Variants in DNAH6 observed in about 807,000 individuals in gnomAD.
DNAH6 encodes the protein dynein axonemal heavy chain 6, also known as axonemal beta dynein heavy chain 6.
DNAH6 carries 340 observed loss-of-function variants against 491.4 expected under a neutral mutation model. The observed-to-expected ratio is 0.69, with a 90% CI of 0.63 to 0.76. The LOEUF is 0.76. Among genes scored for constraint, DNAH6 ranks in the 30% least tolerant of loss-of-function variants. The pLI is 0.00. For missense variants in DNAH6, 4,443 were observed against 4,972.2 expected (o/e 0.89, Z 3.20); for synonymous variants, 1,603 against 1,686.1 (o/e 0.95, Z 1.21).
intron 33 of DNAH6, among the ~76,000 whole-genome samples, chr2:84,643,898 G>GTGTTT (rs138750347): frequency 0.022 from 3,310 of 148,602 alleles, 112 homozygotes; most frequent in African/African-American, 0.079. Context: ...TTCAAATTGT[G>GTGTTT]TTTTTTTTTG....
At chr2:84,460,743 C>A in the DNAH6 span, among the ~76,000 whole-genome samples, 1 of 152,164 alleles carries the variant, frequency 6.6e-6, no homozygotes, top group Non-Finnish European at 1.5e-5. Flanking sequence ...GATATTTCAA[C>A]CTCTTGTAAT....
At chr2:84,618,725 T>G (rs1687116204) in intron 23 of DNAH6, among the ~76,000 whole-genome samples, 1 of 152,000 alleles carries the variant, frequency 6.6e-6, no homozygotes, top group African/African-American at 2.4e-5. Flanking sequence ...TCCTTTTGAG[T>G]GATTTGGAGA....
At chr2:84,741,274 T>C (rs1043200267) in intron 62 of DNAH6, among the ~76,000 whole-genome samples, 1 of 152,124 alleles carries the variant, frequency 6.6e-6, no homozygotes, top group Non-Finnish European at 1.5e-5. Context: ...AAATGGTGCC[T>C]TGGGCCTGAA....
intron 3 of DNAH6, among the ~76,000 whole-genome samples, chr2:84,526,209 A>G (rs1676589544): frequency 6.6e-6 from 1 of 152,112 alleles, no homozygotes; most frequent in African/African-American, 2.4e-5. Flanking sequence ...CTTTAAATGA[A>G]TATCTCTAGA....
At chr2:84,773,623 G>C (rs1243725890) in intron 64 of DNAH6, among the ~76,000 whole-genome samples, 1 of 152,010 alleles carries the variant, frequency 6.6e-6, no homozygotes, top group Non-Finnish European at 1.5e-5. Flanking sequence ...TCCATTTTAA[G>C]TTATTTCATA....
chr2:84,598,126 C>CTTTTCTTTCT (rs1558773722), intron 18 of DNAH6, among the ~76,000 whole-genome samples: 2 of 80,542 alleles, frequency 2.5e-5, no homozygotes, highest in African/African-American at 3.8e-5. Flanking sequence ...TTCTATCTTT[C>CTTTTCTTTCT]TTTTCTTTCT....
At chr2:84,554,440 G>A (rs967753222) in intron 10 of DNAH6, among the ~76,000 whole-genome samples, 2 of 152,152 alleles carry the variant, frequency 1.3e-5, no homozygotes, top group South Asian at 2.1e-4. Context: ...AGGTGCATAG[G>A]TTAGTAAACC....
chr2:84,707,887 T>C (rs1396472057), intron 54 of DNAH6, among the ~76,000 whole-genome samples, 171 bp downstream of exon 54: 1 of 152,202 alleles, frequency 6.6e-6, no homozygotes, highest in Admixed American at 6.5e-5. Context: ...AGTGATGGTC[T>C]ACCCCTAGGC....
intron 24 of DNAH6, among the ~76,000 whole-genome samples, chr2:84,620,541 G>A (rs1422301725): frequency 6.6e-6 from 1 of 152,156 alleles, no homozygotes; most frequent in Non-Finnish European, 1.5e-5. Context: ...TATCTTCTAT[G>A]TGGGCATGGG....
intron 4 of DNAH6, among the ~76,000 whole-genome samples, chr2:84,532,047 T>C (rs1238948496): frequency 6.6e-6 from 1 of 152,176 alleles, no homozygotes; most frequent in Non-Finnish European, 1.5e-5. Flanking sequence ...ATAACCCAGA[T>C]ATCAAAGAGT....
intron 71 of DNAH6, among the ~76,000 whole-genome samples, chr2:84,807,557 A>G (rs1043831268): frequency 2.6e-5 from 4 of 152,040 alleles, no homozygotes; most frequent in African/African-American, 7.2e-5. Context: ...CCTGCCCCCA[A>G]CCTTTCCTAT....
At chr2:84,507,597 C>T in the DNAH6 span, among the ~76,000 whole-genome samples, 38 of 152,170 alleles carry the variant, frequency 2.5e-4, no homozygotes, top group African/African-American at 9.2e-4. Context: ...GAACTTCCAA[C>T]ACTATGTTGA....
chr2:84,644,638 G>A (rs1689730174), intron 33 of DNAH6, among the ~76,000 whole-genome samples: 1 of 152,032 alleles, frequency 6.6e-6, no homozygotes, highest in Non-Finnish European at 1.5e-5. Context: ...TCCCCACCAT[G>A]TGTCCATGTG....
chr2:84,676,920 G>C, intron 40 of DNAH6, 85 bp from the exon 41 acceptor site: 1 of 1,454,482 alleles, frequency 6.9e-7, no homozygotes, highest in East Asian at 2.5e-5. Context: ...ATGCAATGCT[G>C]GCATTTGGGA....
At position 84,814,009 on chromosome 2, in the gene DNAH6, A is replaced by G. The variant is rs1008635000; in HGVS notation, c.12037A>G (p.Ile4013Val). ...TCATGCTCGAAAATACAATTTGCCT[A>G]TAGATGAGCTGAGTTTCAAATACAG... Reference protein sequence around the residue: ...QNHARKYNLPIDELSFKYSVI... With the variant: ...QNHARKYNLPVDELSFKYSVI... The change falls in exon 75 of 77, where the codon ATA becomes GTA. Residue 4013 changes from isoleucine to valine, a missense_variant. Coordinates refer to ENST00000389394, the MANE Select transcript of DNAH6 (RefSeq NM_001370.2). 7 of 1,551,604 alleles carry G rather than the reference A, an allele frequency of 4.5e-6. No homozygotes were observed. In the Admixed American group the frequency reaches 7.8e-5, roughly 17 times the overall value.
intron 63 of DNAH6, among the ~76,000 whole-genome samples, chr2:84,750,318 G>C (rs1573694376): frequency 6.6e-6 from 1 of 151,666 alleles, no homozygotes; most frequent in Non-Finnish European, 1.5e-5. Context: ...AAGTAGCTGG[G>C]ACCACAGACA....
At chr2:84,525,303 T>C (rs1676508057) in intron 2 of DNAH6, among the ~76,000 whole-genome samples, 1 of 152,090 alleles carries the variant, frequency 6.6e-6, no homozygotes, top group South Asian at 2.1e-4. Context: ...CTTCTGAGCC[T>C]TTTCTGTTGT....
the DNAH6 span, among the ~76,000 whole-genome samples, chr2:84,489,182 G>T: frequency 2.0e-3 from 310 of 151,904 alleles, no homozygotes; most frequent in African/African-American, 7.0e-3. Flanking sequence ...GAAGTTATTG[G>T]TAGAGAACAT....
chr2:84,673,692 A>C (rs1256932446), intron 40 of DNAH6, among the ~76,000 whole-genome samples: 1 of 152,252 alleles, frequency 6.6e-6, no homozygotes, highest in Non-Finnish European at 1.5e-5. Context: ...GGAAGCATCC[A>C]GCATGGGAGA....
Sources: gnomAD v4.1 joint callset for allele counts (sites outside exome capture counted in the v4.1 genomes callset) on GRCh38, gnomAD v4.1.1 for gene constraint, MANE v1.5 for transcripts, NCBI Gene and HGNC (gene_info 2026-07-23, HGNC 2026-07-21) for gene names.